IMPG1: variants seen among roughly 807,000 people sequenced by gnomAD.
The protein encoded by IMPG1 is interphotoreceptor matrix proteoglycan of 150 kDa.
IMPG1 carries 85 observed loss-of-function variants against 92.0 expected under a neutral mutation model. The observed-to-expected ratio is 0.92, with a 90% CI of 0.78 to 1.11. IMPG1 has a LOEUF of 1.11. IMPG1 is among the 50% of genes least tolerant of loss of function. The pLI is 0.00. For synonymous variants in IMPG1, 367 were observed against 334.1 expected, an observed-to-expected ratio of 1.10 and a Z score of -1.08; for missense variants, 1,022 against 956.0, an observed-to-expected ratio of 1.07 and a Z score of -0.91.
intron 4 of IMPG1, among the ~76,000 whole-genome samples, chr6:76,034,084 A>G (rs948437801): frequency 6.6e-6 from 1 of 152,222 alleles, no homozygotes; most frequent in African/African-American, 2.4e-5. Flanking sequence ...AATTCATTTT[A>G]TGTGCAAACA....
intron 12 of IMPG1, among the ~76,000 whole-genome samples, chr6:75,973,821 A>C (rs758256005): frequency 2.5e-4 from 38 of 152,316 alleles, no homozygotes; most frequent in Non-Finnish European, 4.6e-4. Context: ...TAAAGAGGAC[A>C]CATAGGGTAC....
At chr6:75,937,774 T>A (rs1204343358) in intron 14 of IMPG1, among the ~76,000 whole-genome samples, 2 of 152,228 alleles carry the variant, frequency 1.3e-5, no homozygotes, top group Non-Finnish European at 2.9e-5. Flanking sequence ...GCCACATTTT[T>A]GTAAATGCAT....
intron 16 of IMPG1, among the ~76,000 whole-genome samples, chr6:75,923,235 C>T (rs1781459171): frequency 6.6e-6 from 1 of 151,934 alleles, no homozygotes. Flanking sequence ...AATGATGTTT[C>T]TTCATATTTT....
chr6:76,060,773 C>T (rs1487384769), intron 1 of IMPG1, among the ~76,000 whole-genome samples: 2 of 152,126 alleles, frequency 1.3e-5, no homozygotes, highest in African/African-American at 4.8e-5. Flanking sequence ...GTCTTTTCTA[C>T]CCTTAAGCAA....
chr6:76,041,877 T>C lies in IMPG1; in HGVS notation c.301+16A>G, dbSNP rs1168421180. On this transcript the variant is annotated intron_variant, in intron 2 of 16. Coordinates refer to ENST00000369950, the MANE Select transcript of IMPG1 (RefSeq NM_001563.4). ...GGAAATAACACAAGGCTAAACGGTT[T>C]CATCTCTTTCCTTACCTCTCAATCT... is the stretch of plus-strand genomic sequence containing the variant. 4.6e-6 allele frequency: 7 copies of C among 1,515,034 alleles called. No individual in the cohort carries two copies. The highest frequency in any genetic ancestry group is 1.4e-5 in the African/African-American group (1 of 72,940). The allele number at this position is 1,515,034 out of a possible 1,614,324, so 93.8% of individuals were successfully genotyped here. A position where few individuals can be genotyped will look rare whatever the true frequency, so the allele number is the denominator to read the frequency against.
chr6:75,980,982 G>A (rs1360752892), intron 12 of IMPG1, among the ~76,000 whole-genome samples: 1 of 152,160 alleles, frequency 6.6e-6, no homozygotes, highest in Non-Finnish European at 1.5e-5. Context: ...GCCCTCTGGG[G>A]GATTCTGATT....
intron 2 of IMPG1, among the ~76,000 whole-genome samples, chr6:76,039,680 T>C: frequency 6.6e-6 from 1 of 152,006 alleles, no homozygotes; most frequent in Admixed American, 6.6e-5. Context: ...ATGTTGGGTA[T>C]GGGAGGCAGA....
intron 13 of IMPG1, among the ~76,000 whole-genome samples, chr6:75,948,863 T>C (rs575211851): frequency 6.6e-6 from 1 of 152,262 alleles, no homozygotes; most frequent in East Asian, 1.9e-4. Flanking sequence ...AGAAAATTGC[T>C]TTCCCTCAGC....
intron 12 of IMPG1, among the ~76,000 whole-genome samples, chr6:75,988,664 C>T (rs1184708327): frequency 6.6e-6 from 1 of 152,182 alleles, no homozygotes; most frequent in Non-Finnish European, 1.5e-5. Flanking sequence ...CTGGCTTTGT[C>T]CAACTTAAAA....
chr6:75,930,585 A>G (rs978763025), intron 15 of IMPG1, among the ~76,000 whole-genome samples: 2 of 152,236 alleles, frequency 1.3e-5, no homozygotes, highest in African/African-American at 4.8e-5. Flanking sequence ...TTATGCACAA[A>G]TACATCCCCA....
chr6:76,022,223 T>C lies in IMPG1; in HGVS notation c.563-4A>G, dbSNP rs2149483787. On this transcript the variant is annotated splice_region_variant and splice_polypyrimidine_tract_variant and intron_variant, in intron 5 of 16. Coordinates refer to ENST00000369950, the MANE Select transcript of IMPG1 (RefSeq NM_001563.4). ...CCAAGTGAGACGTTGGCAACATCTG[T>C]GAAAATTTTAAAAATTAAAGACACA... 6.4e-7 allele frequency: 1 copy of C among 1,550,892 alleles called. No homozygotes were observed. Among genetic ancestry groups the C allele is most frequent in the Non-Finnish European group, 8.8e-7 (1 of 1,131,332 alleles).
intron 15 of IMPG1, among the ~76,000 whole-genome samples, chr6:75,924,742 A>AATATAATT (rs796463957): frequency 0.041 from 2,408 of 59,088 alleles, 669 homozygotes; most frequent in East Asian, 0.14. Flanking sequence ...TATAATATAT[A>AATATAATT]ATATATAATA....
rs1396838632 is a variant in IMPG1 at position 75,924,591 on chromosome 6, TATTA to T, written c.2244-889_2244-886del. On this transcript the variant is annotated intron_variant, in intron 15 of 16. Coordinates refer to ENST00000369950, the MANE Select transcript of IMPG1 (RefSeq NM_001563.4). ...ATTATATATAATTAATATAATTATA[TATTA>T]TATATAATTAATTATATATAATATA... Among the ~76,000 whole-genome samples, 5 of 31,348 alleles carry T rather than the reference TATTA, an allele frequency of 1.6e-4. 2 individuals are homozygous for T. In the South Asian group the frequency reaches 2.6e-3, roughly 17 times the overall value. The allele number at this position is 31,348 out of a possible 152,430, so 20.6% of individuals were successfully genotyped here. A position where few individuals can be genotyped will look rare whatever the true frequency, so the allele number is the denominator to read the frequency against.
At chr6:75,924,573 A>AATTAATATAATTATATATTATATAAT (rs1781497537) in intron 15 of IMPG1, among the ~76,000 whole-genome samples, 1 of 37,428 alleles carries the variant, frequency 2.7e-5, no homozygotes. Flanking sequence ...TATATTATAT[A>AATTAATATAATTATATATTATATAAT]TAATTAATAT....
intron 1 of IMPG1, among the ~76,000 whole-genome samples, chr6:76,062,287 T>C (rs545121800): frequency 6.6e-6 from 1 of 152,314 alleles, no homozygotes; most frequent in East Asian, 1.9e-4. Context: ...ACAAAATAAT[T>C]AGTAACAATT....
At chr6:76,052,870 T>G (rs575994516) in intron 1 of IMPG1, among the ~76,000 whole-genome samples, 3 of 152,308 alleles carry the variant, frequency 2.0e-5, no homozygotes, top group South Asian at 4.1e-4. Context: ...AATGTGAAAC[T>G]GAGGTAAGAA....
intron 4 of IMPG1, among the ~76,000 whole-genome samples, chr6:76,031,191 G>A (rs536055047): frequency 1.3e-5 from 2 of 152,136 alleles, no homozygotes; most frequent in Admixed American, 6.5e-5. Flanking sequence ...CTCACTGAAA[G>A]GTTTGTTACT....
chr6:76,056,785 T>G (rs1053689937), intron 1 of IMPG1, among the ~76,000 whole-genome samples: 2 of 152,170 alleles, frequency 1.3e-5, no homozygotes, highest in Non-Finnish European at 2.9e-5. Context: ...TTAGAGCACC[T>G]TTTCATAGCT....
intron 1 of IMPG1, among the ~76,000 whole-genome samples, chr6:76,059,607 T>A (rs571936016): frequency 7.7e-4 from 117 of 152,216 alleles, no homozygotes; most frequent in African/African-American, 1.7e-3. Flanking sequence ...CCTCTCATCA[T>A]ATTATAGTGG....
Sources: allele counts gnomAD v4.1 joint callset (sites outside exome capture counted in the v4.1 genomes callset), GRCh38; gene constraint gnomAD v4.1.1; transcripts MANE v1.5; gene names NCBI Gene and HGNC (gene_info 2026-07-23, HGNC 2026-07-21).